The following TEX14 variants were observed in gnomAD, a reference collection of about 807,000 sequenced individuals.
The protein encoded by TEX14 is inactive serine/threonine-protein kinase TEX14.
In TEX14, 168 loss-of-function variants were observed where a neutral mutation model predicts 178.6. That is an observed-to-expected ratio of 0.94 (90% CI 0.83 to 1.07). The LOEUF (loss-of-function observed/expected upper bound fraction) is 1.07. Ranked by LOEUF, TEX14 falls within the 50% of genes least tolerant of loss-of-function variation. The pLI is 0.00. For synonymous variants in TEX14, 626 were observed against 634.1 expected (o/e 0.99, Z 0.19); for missense variants, 1,730 against 1,753.6 (o/e 0.99, Z 0.24).
rs1396810379 is a variant in TEX14, at chr17:58,569,715, C to T, written c.3818-455G>A. Among the ~76,000 whole-genome samples the T allele has an allele frequency of 6.6e-6, 1 of 152,172 alleles. No individual in the cohort carries two copies. Among genetic ancestry groups the T allele is most frequent in the Non-Finnish European group, 1.5e-5 (1 of 68,030 alleles). ...CACACTTTGGGTCTTGCCCCAAGTGCTCAATTATAACATTGACCAAAATAC... is the reference window on the plus strand; with the variant it reads ...CACACTTTGGGTCTTGCCCCAAGTGTTCAATTATAACATTGACCAAAATAC... On this transcript the variant is annotated intron_variant, in intron 25 of 31. Transcript: ENST00000349033. The surrounding 1 kb of genome is among the most constrained non-coding windows in gnomAD (Gnocchi z 4.1).
intron 19 of TEX14, among the ~76,000 whole-genome samples, chr17:58,580,676 C>A (rs1456115416): frequency 1.3e-5 from 2 of 152,144 alleles, no homozygotes; most frequent in Admixed American, 6.5e-5. Flanking sequence ...CACAATCCTC[C>A]CTTTCATATA....
rs574104394 is a variant in TEX14, at chr17:58,574,546, C to T, written c.3321-297G>A. ...CAAAAATTAGCTGGGCTTGGTAGCA[C>T]GTGCCTGTAGTTCCAGCTACTCGGG... On this transcript the variant is annotated intron_variant, in intron 21 of 31. Transcript: ENST00000349033. Among the ~76,000 whole-genome samples, 6 of 151,956 alleles carry T rather than the reference C, an allele frequency of 3.9e-5. No individual in the cohort carries two copies. The South Asian group carries it at 8.3e-4, about 21-fold the overall frequency.
intron 11 of TEX14, among the ~76,000 whole-genome samples, chr17:58,603,711 G>A (rs940389924): frequency 7.3e-5 from 11 of 151,536 alleles, no homozygotes; most frequent in East Asian, 1.9e-4. Flanking sequence ...AAAATTAGCC[G>A]GGCATGGTGG....
chr17:58,613,339 A>G (rs2045791892), intron 9 of TEX14, 82 bp downstream of exon 9: 3 of 1,550,864 alleles, frequency 1.9e-6, no homozygotes, highest in South Asian at 1.1e-5. Context: ...CAGAAATGGG[A>G]TCACCACAGC....
chr17:58,651,730 G>C (rs1035986928), intron 2 of TEX14, 136 bp downstream of exon 2: 1 of 837,168 alleles, frequency 1.2e-6, no homozygotes, highest in South Asian at 2.3e-5. Flanking sequence ...TGCACTGCTA[G>C]AGAACATCTA....
chr17:58,611,701 A>G (rs1304113260), intron 9 of TEX14, among the ~76,000 whole-genome samples: 17 of 152,244 alleles, frequency 1.1e-4, no homozygotes, highest in Admixed American at 1.1e-3. Context: ...GTCCAAGCCC[A>G]AGCTGCTGGG....
intron 26 of TEX14, among the ~76,000 whole-genome samples, chr17:58,568,957 C>T (rs2044462481): frequency 1.3e-5 from 2 of 152,084 alleles, no homozygotes; most frequent in African/African-American, 4.8e-5. Context: ...AACATAAGTC[C>T]TTTAAGTAAC....
intron 15 of TEX14, among the ~76,000 whole-genome samples, chr17:58,592,496 G>A (rs999773795): frequency 7.9e-5 from 12 of 151,932 alleles, no homozygotes; most frequent in East Asian, 1.9e-4. Flanking sequence ...CACCACGCCC[G>A]GCTAATTTTT....
chr17:58,596,191 TA>T (rs966629664), intron 14 of TEX14, among the ~76,000 whole-genome samples: 43 of 146,790 alleles, frequency 2.9e-4, no homozygotes, highest in Middle Eastern at 3.5e-3. Flanking sequence ...TTTAAAAATT[TA>T]AAAAAAAAAA....
At chr17:58,618,683 C>T (rs1264224739) in intron 5 of TEX14, among the ~76,000 whole-genome samples, 1 of 152,220 alleles carries the variant, frequency 6.6e-6, no homozygotes, top group Non-Finnish European at 1.5e-5. Flanking sequence ...TCAGGGCCAG[C>T]CCTACCTCAG....
In TEX14 at chr17:58,569,174, G is replaced by T; in HGVS notation, c.3886+18C>A. On this transcript the variant is annotated intron_variant, in intron 26 of 31. Coordinates refer to ENST00000349033, the MANE Select transcript of TEX14 (RefSeq NM_031272.5). This position sits in a 1 kb window ranked among gnomAD's most constrained non-coding sequence, Gnocchi z 4.1. ...CTAACAGGGCCGAGAAGTATATTCTGTATTGAACATCTCTTACCAATGTCA... is the reference window on the plus strand; with the variant it reads ...CTAACAGGGCCGAGAAGTATATTCTTTATTGAACATCTCTTACCAATGTCA... 1 of 1,603,704 alleles carries T rather than the reference G, an allele frequency of 6.2e-7. No homozygotes were observed. The highest frequency in any genetic ancestry group is 8.5e-7 in the Non-Finnish European group (1 of 1,170,558).
intron 29 of TEX14, among the ~76,000 whole-genome samples, chr17:58,560,674 C>T (rs1223244320): frequency 1.3e-5 from 2 of 152,096 alleles, no homozygotes; most frequent in African/African-American, 4.8e-5. Context: ...TCAGGCTGAG[C>T]CTCTCAGCTC....
chr17:58,563,065 T>A (rs1032447274), intron 28 of TEX14, among the ~76,000 whole-genome samples: 2 of 87,424 alleles, frequency 2.3e-5, no homozygotes, highest in African/African-American at 1.0e-4. Flanking sequence ...AATGTGAGAC[T>A]CTGTCTCAAA....
At chr17:58,587,696 G>C (rs2045011564) in intron 16 of TEX14, 30 bp from the exon 17 acceptor site, 2 of 1,518,778 alleles carry the variant, frequency 1.3e-6, no homozygotes, top group Non-Finnish European at 1.8e-6. Context: ...TGGAGGTAGG[G>C]GGAGCGGGGT....
At chr17:58,577,242 C>T in intron 21 of TEX14, 133 bp downstream of exon 21, 2 of 374,776 alleles carry the variant, frequency 5.3e-6, no homozygotes, top group Non-Finnish European at 9.2e-6. Context: ...CACAGCTAAG[C>T]TGCCCAAAGC....
intron 17 of TEX14, among the ~76,000 whole-genome samples, chr17:58,587,308 C>A (rs2045001519): frequency 6.6e-6 from 1 of 151,910 alleles, no homozygotes; most frequent in South Asian, 2.1e-4. Context: ...GTATTGTGCA[C>A]TGTTTTGTTA....
intron 2 of TEX14, among the ~76,000 whole-genome samples, chr17:58,643,954 C>G (rs570714000): frequency 6.7e-6 from 1 of 150,268 alleles, no homozygotes; most frequent in Non-Finnish European, 1.5e-5. Context: ...CCGCCCCCCC[C>G]AAATACCTCA....
At chr17:58,580,469 G>T (rs577937786) in intron 19 of TEX14, among the ~76,000 whole-genome samples, 1 of 152,050 alleles carries the variant, frequency 6.6e-6, no homozygotes, top group Non-Finnish European at 1.5e-5. Flanking sequence ...CTGCCACTGC[G>T]CCCGGTTAAT....
rs1004636239 is a variant in TEX14, at chr17:58,642,536, A to AT, written c.136+9329dup. Among the ~76,000 whole-genome samples, 395 of 145,456 alleles carry AT rather than the reference A, an allele frequency of 2.7e-3. 1 individual carries two copies. Among genetic ancestry groups the AT allele is most frequent in the East Asian group, 6.0e-3 (30 of 5,004 alleles). ...ATATACATTTTATTTTATTTTATTTATTTTTTTTTTTATGGAGTTTCGCTC... is the reference window on the plus strand; with the variant it reads ...ATATACATTTTATTTTATTTTATTTATTTTTTTTTTTTATGGAGTTTCGCTC... On this transcript the variant is annotated intron_variant, in intron 2 of 31. Transcript: ENST00000349033.
Sources: gnomAD v4.1 joint callset for allele counts (sites outside exome capture counted in the v4.1 genomes callset) on GRCh38, gnomAD v4.1.1 for gene constraint, Gnocchi (gnomAD v3.1) non-coding constraint, MANE v1.5 for transcripts, NCBI Gene and HGNC (gene_info 2026-07-23, HGNC 2026-07-21) for gene names.